Variants in CORIN observed in about 807,000 individuals in gnomAD.
CORIN encodes corin, serine peptidase.
CORIN carries 117 observed loss-of-function variants against 125.3 expected under a neutral mutation model. The observed-to-expected ratio is 0.93, with a 90% CI of 0.80 to 1.09. The LOEUF is 1.09. CORIN is among the 50% of genes least tolerant of loss of function. CORIN has a pLI of 0.00. For synonymous variants in CORIN, 450 were observed against 466.4 expected (o/e 0.96, Z 0.45); for missense variants, 1,253 against 1,306.7 (o/e 0.96, Z 0.63).
At position 47,806,852 on chromosome 4, in the gene CORIN, A is replaced by G. The variant is rs1731815627; in HGVS notation, c.208+51T>C. ...TAAGTAGAAATCACTCTTCTAGATC[A>G]TGCTAATTTTCACTTTAACTTCATT... is the stretch of plus-strand genomic sequence containing the variant. On this transcript the variant is annotated intron_variant, in intron 2 of 21. Coordinates refer to ENST00000273857, the MANE Select transcript of CORIN (RefSeq NM_006587.4). 2.6e-6 allele frequency: 4 copies of G among 1,553,798 alleles called. No homozygotes were observed. The South Asian group carries it at 4.9e-5, about 19-fold the overall frequency.
At chr4:47,800,402 G>C (rs1731488500) in intron 2 of CORIN, among the ~76,000 whole-genome samples, 1 of 152,052 alleles carries the variant, frequency 6.6e-6, no homozygotes, top group Non-Finnish European at 1.5e-5. Context: ...ATTAGCATTA[G>C]ACCCTGAGAA....
At chr4:47,681,710 T>C (rs944739948) in intron 7 of CORIN, 3 of 152,228 alleles carry the variant, frequency 2.0e-5, no homozygotes, top group African/African-American at 7.2e-5. Flanking sequence ...TAAATTAGTA[T>C]AGTCATTATG....
chr4:47,806,024 A>G lies in CORIN; in HGVS notation c.208+879T>C, dbSNP rs193210300. Reference sequence around the variant, plus strand: ...AAACTTTAAGTATCATTCACTTAGAAAAAGATAGCAAGATGCAACTAATGA... The same window carrying G: ...AAACTTTAAGTATCATTCACTTAGAGAAAGATAGCAAGATGCAACTAATGA... On this transcript the variant is annotated intron_variant, in intron 2 of 21. Transcript: ENST00000273857. 5.0e-3 allele frequency among the ~76,000 whole-genome samples: 767 copies of G among 152,366 alleles called. 5 individuals are homozygous for G. The highest frequency in any genetic ancestry group is 6.4e-3 in the Non-Finnish European group (436 of 68,038).
chr4:47,621,825 G>A (rs1353614610), intron 19 of CORIN, among the ~76,000 whole-genome samples: 1 of 151,670 alleles, frequency 6.6e-6, no homozygotes, highest in Non-Finnish European at 1.5e-5. Context: ...TGATGTGGAT[G>A]GGCCTTACCC....
At chr4:47,820,281 A>AG (rs145561269) in intron 1 of CORIN, among the ~76,000 whole-genome samples, 28,740 of 151,936 alleles carry the variant, frequency 0.19, 4,070 homozygotes, top group African/African-American at 0.4. Context: ...AATGAGGGTG[A>AG]GGGGAGAAAT....
intron 5 of CORIN, among the ~76,000 whole-genome samples, chr4:47,698,395 A>G (rs1279736814): frequency 6.6e-6 from 1 of 151,904 alleles, no homozygotes; most frequent in Non-Finnish European, 1.5e-5. Context: ...GAGCTAGTGC[A>G]AAGTTCCTCC....
intron 16 of CORIN, among the ~76,000 whole-genome samples, chr4:47,636,419 T>C (rs1025004761): frequency 6.6e-6 from 1 of 152,164 alleles, no homozygotes; most frequent in Non-Finnish European, 1.5e-5. Flanking sequence ...TAAATGTCCA[T>C]AGGTTTTTTG....
At chr4:47,818,942 G>C (rs10517200) in intron 1 of CORIN, among the ~76,000 whole-genome samples, 1 of 150,006 alleles carries the variant, frequency 6.7e-6, no homozygotes, top group Non-Finnish European at 1.5e-5. Flanking sequence ...TGGATATATT[G>C]AACAGGGTAA....
Position 47,786,709 on chromosome 4 carries a change from T to C in CORIN, c.409+16A>G. The C allele has an allele frequency of 1.2e-6, 2 of 1,605,142 alleles. No homozygotes were observed. The highest frequency in any genetic ancestry group is 1.7e-6 in the Non-Finnish European group (2 of 1,172,000). ...GGACATTAAAAGCCTCTAGCATGTA[T>C]CACCTTTGGACTTACTTGTATTCCT... On this transcript the variant is annotated intron_variant, in intron 3 of 21. Transcript: ENST00000273857.
chr4:47,602,342 A>G (rs150017576), intron 20 of CORIN, among the ~76,000 whole-genome samples: 3 of 152,324 alleles, frequency 2.0e-5, no homozygotes, highest in African/African-American at 7.2e-5. Flanking sequence ...AGAGTCCATT[A>G]TAGGGGTTTA....
chr4:47,736,857 C>T (rs1268328903), intron 5 of CORIN, among the ~76,000 whole-genome samples: 2 of 152,114 alleles, frequency 1.3e-5, no homozygotes, highest in African/African-American at 4.8e-5. Flanking sequence ...GGCGAAGAGA[C>T]AAAAATTAGA....
chr4:47,608,108 G>A (rs1485283374), intron 19 of CORIN, among the ~76,000 whole-genome samples: 1 of 152,108 alleles, frequency 6.6e-6, no homozygotes, highest in African/African-American at 2.4e-5. Flanking sequence ...CTCACCTGAG[G>A]TCAGGAGTTC....
chr4:47,705,385 T>C (rs1186986141), intron 5 of CORIN, among the ~76,000 whole-genome samples: 1 of 152,234 alleles, frequency 6.6e-6, no homozygotes, highest in African/African-American at 2.4e-5. Context: ...ACCTGTTTGG[T>C]TTCTTGCTGT....
Position 47,837,988 on chromosome 4 carries a change from C to G in CORIN, c.-39G>C, listed in dbSNP as rs368663153. 188 of 1,606,588 alleles carry G rather than the reference C, an allele frequency of 1.2e-4. 1 individual carries two copies. In the African/African-American group the frequency reaches 2.1e-3, roughly 18 times the overall value. The stretch of plus-strand genomic sequence containing the variant: ...CGCTTATTCTTCTGTCCACTTTTAT[C>G]TTGGTCGCTTTTCTCTCCTCTACGT... On this transcript the variant is annotated 5_prime_UTR_variant, in exon 1 of 22. Transcript: ENST00000273857.
chr4:47,663,853 T>C (rs17462867), intron 11 of CORIN, among the ~76,000 whole-genome samples: 2,681 of 152,290 alleles, frequency 0.018, 32 homozygotes, highest in Admixed American at 0.026. Context: ...AATTTTCAGA[T>C]ATTTTTCTAC....
intron 5 of CORIN, among the ~76,000 whole-genome samples, chr4:47,700,625 A>G (rs1227731354): frequency 6.6e-6 from 1 of 152,190 alleles, no homozygotes; most frequent in African/African-American, 2.4e-5. Flanking sequence ...TAAGTCCTCA[A>G]GTGAGTGCTA....
At chr4:47,599,392 T>G (rs1028787098) in intron 21 of CORIN, among the ~76,000 whole-genome samples, 1 of 152,216 alleles carries the variant, frequency 6.6e-6, no homozygotes, top group Admixed American at 6.5e-5. Context: ...AGTTAGTACT[T>G]AAGAGCACTG....
chr4:47,620,222 T>C (rs1722250367), intron 19 of CORIN, among the ~76,000 whole-genome samples: 6 of 152,204 alleles, frequency 3.9e-5, no homozygotes. Context: ...AACTGTATCC[T>C]CTACAAACAA....
Position 47,814,670 on chromosome 4 carries a change from G to A in CORIN, c.64-7623C>T, listed in dbSNP as rs567866688. On this transcript the variant is annotated intron_variant, in intron 1 of 21. Transcript: ENST00000273857. ...CCAAAATCATCATGTCTTTTGGTGT[G>A]ATGTTTGTTTTTAATATCCCAGGAA... 1.6e-4 allele frequency among the ~76,000 whole-genome samples: 24 copies of A among 152,286 alleles called. No homozygotes were observed. In the South Asian group the frequency reaches 4.3e-3, roughly 28 times the overall value.
Sources: gnomAD v4.1 joint callset for allele counts (sites outside exome capture counted in the v4.1 genomes callset) on GRCh38, gnomAD v4.1.1 for gene constraint, MANE v1.5 for transcripts, NCBI Gene and HGNC (gene_info 2026-07-23, HGNC 2026-07-21) for gene names.